The following KLF12 variants were observed in gnomAD, a reference collection of about 807,000 sequenced individuals.
KLF12 encodes KLF transcription factor 12.
A neutral mutation model predicts 37.8 loss-of-function variants in KLF12; 9 were observed. The ratio of observed to expected loss-of-function variants is 0.24; its 90% CI spans 0.14 to 0.42. The LOEUF (loss-of-function observed/expected upper bound fraction) is 0.42, where lower values mean the gene tolerates loss of function less well. Ranked by LOEUF, KLF12 falls within the 10% of genes least tolerant of loss-of-function variation. KLF12 has a pLI of 1.00. For missense variants in KLF12, 411 were observed against 516.0 expected, an observed-to-expected ratio of 0.80 and a Z score of 1.97; for synonymous variants, 208 against 202.1, an observed-to-expected ratio of 1.03 and a Z score of -0.25.
At chr13:74,096,686 TG>T in intron 1 of KLF12, among the ~76,000 whole-genome samples, 1 of 152,330 alleles carries the variant, frequency 6.6e-6, no homozygotes, top group East Asian at 1.9e-4. Context: ...CTTTTATCCT[TG>T]GTTCACAACG....
chr13:74,181,212 C>T, the KLF12 span, among the ~76,000 whole-genome samples: 1 of 151,774 alleles, frequency 6.6e-6, no homozygotes, highest in African/African-American at 2.4e-5. Flanking sequence ...GCTGGCCAGG[C>T]TGGACTCGAA....
At chr13:74,288,322 G>A in the KLF12 span, among the ~76,000 whole-genome samples, 1 of 152,184 alleles carries the variant, frequency 6.6e-6, no homozygotes, top group Non-Finnish European at 1.5e-5. Context: ...GCTATTTTAT[G>A]AGTCTTTTCA....
intron 1 of KLF12, among the ~76,000 whole-genome samples, chr13:74,054,162 A>C (rs1873105855): frequency 6.6e-6 from 1 of 152,206 alleles, no homozygotes; most frequent in African/African-American, 2.4e-5. Flanking sequence ...GACCAAAGAA[A>C]GAAAACAACA....
chr13:74,255,533 T>TA, the KLF12 span, among the ~76,000 whole-genome samples: 1 of 152,220 alleles, frequency 6.6e-6, no homozygotes, highest in African/African-American at 2.4e-5. Flanking sequence ...TAATGAGACC[T>TA]AAAATGGATA....
chr13:74,116,881 C>T (rs1219254341), intron 1 of KLF12, among the ~76,000 whole-genome samples: 1 of 152,056 alleles, frequency 6.6e-6, no homozygotes, highest in Non-Finnish European at 1.5e-5. Flanking sequence ...TAATATCCCA[C>T]CATACCAGGG....
the KLF12 span, among the ~76,000 whole-genome samples, chr13:74,248,170 T>C: frequency 6.6e-6 from 1 of 152,228 alleles, no homozygotes; most frequent in Non-Finnish European, 1.5e-5. Flanking sequence ...ATTCTGGTTT[T>C]GTACATCCGT....
At chr13:74,065,071 C>G (rs558676941) in intron 1 of KLF12, among the ~76,000 whole-genome samples, 1 of 152,114 alleles carries the variant, frequency 6.6e-6, no homozygotes, top group Non-Finnish European at 1.5e-5. Flanking sequence ...TACATAGACA[C>G]AAACATTATA....
At chr13:74,097,438 C>T (rs1161108464) in intron 1 of KLF12, among the ~76,000 whole-genome samples, 7 of 152,132 alleles carry the variant, frequency 4.6e-5, no homozygotes, top group Non-Finnish European at 7.4e-5. Flanking sequence ...ATGCACAAAT[C>T]ACAACATGGT....
At chr13:73,774,304 C>CTATATA (rs1250631346) in intron 5 of KLF12, among the ~76,000 whole-genome samples, 216 of 138,374 alleles carry the variant, frequency 1.6e-3, no homozygotes, top group African/African-American at 5.1e-3. Context: ...ACACACACAT[C>CTATATA]TATATATATA....
intron 3 of KLF12, among the ~76,000 whole-genome samples, chr13:73,900,472 C>T (rs1309121090): frequency 1.3e-5 from 2 of 152,078 alleles, no homozygotes; most frequent in Admixed American, 6.5e-5. Context: ...TTTTTCAGTA[C>T]ATTATAGCAT....
chr13:73,840,201 G>C (rs771646302), intron 4 of KLF12, among the ~76,000 whole-genome samples: 63 of 152,048 alleles, frequency 4.1e-4, no homozygotes, highest in African/African-American at 1.4e-3. Flanking sequence ...TTGAAAACAC[G>C]CTCCACCTGC....
intron 3 of KLF12, among the ~76,000 whole-genome samples, chr13:73,924,150 T>C (rs1242586955): frequency 6.6e-6 from 1 of 152,230 alleles, no homozygotes; most frequent in Non-Finnish European, 1.5e-5. Context: ...CATGGCCAAC[T>C]CTTTAAATTA....
the KLF12 span, among the ~76,000 whole-genome samples, chr13:74,156,260 G>A: frequency 2.0e-5 from 3 of 152,100 alleles, no homozygotes; most frequent in African/African-American, 7.2e-5. Flanking sequence ...CTTTTCAGAG[G>A]CCTCTGTATG....
the KLF12 span, among the ~76,000 whole-genome samples, chr13:74,158,220 G>T: frequency 1.3e-5 from 2 of 152,148 alleles, no homozygotes; most frequent in Non-Finnish European, 2.9e-5. Context: ...AAGGCTGCGT[G>T]GGCTGGACTG....
At chr13:73,802,178 A>G (rs1882313508) in intron 5 of KLF12, 1 of 152,016 alleles carries the variant, frequency 6.6e-6, no homozygotes, top group Non-Finnish European at 1.5e-5. Context: ...TCACTTTCAA[A>G]ATAGCAACAT....
chr13:74,137,431 ACTTAGT>A (rs1266594888), upstream of KLF12, among the ~76,000 whole-genome samples: 9 of 152,364 alleles, frequency 5.9e-5, no homozygotes, highest in South Asian at 8.3e-4. Flanking sequence ...AACTTCATTT[ACTTAGT>A]CTTAGATAAC....
At chr13:74,141,085 G>A in the KLF12 span, among the ~76,000 whole-genome samples, 1 of 151,976 alleles carries the variant, frequency 6.6e-6, no homozygotes, top group Non-Finnish European at 1.5e-5. Context: ...AAGAAACGAG[G>A]ATTGGAAGAG....
In KLF12 at chr13:73,905,440, T is replaced by C. The variant is rs1178138931; in HGVS notation, c.123+38541A>G. 2.6e-5 allele frequency among the ~76,000 whole-genome samples: 4 copies of C among 151,918 alleles called. No individual in the cohort carries two copies. The East Asian group carries it at 5.8e-4, about 22-fold the overall frequency. ...AGTAATAGTACAATAACTTTACAAA[T>C]ACACAATTCAGAGTGAACCCAACAT... On this transcript the variant is annotated intron_variant, in intron 3 of 7. Coordinates refer to ENST00000377669, the MANE Select transcript of KLF12 (RefSeq NM_007249.5).
chr13:73,737,424 C>A (rs867473185), intron 6 of KLF12, among the ~76,000 whole-genome samples: 2 of 152,064 alleles, frequency 1.3e-5, no homozygotes, highest in Non-Finnish European at 2.9e-5. Flanking sequence ...TTTCGTGTAA[C>A]CCTGGATAAG....
Sources: gnomAD v4.1 joint callset for allele counts (sites outside exome capture counted in the v4.1 genomes callset) on GRCh38, gnomAD v4.1.1 for gene constraint, MANE v1.5 for transcripts, NCBI Gene and HGNC (gene_info 2026-07-23, HGNC 2026-07-21) for gene names.